Variants in UVRAG observed in about 807,000 individuals in gnomAD.
UVRAG encodes the protein UV radiation resistance associated, also known as UV radiation resistance-associated gene protein.
A neutral mutation model predicts 78.0 loss-of-function variants in UVRAG; 19 were observed. The ratio of observed to expected loss-of-function variants is 0.24; its 90% CI spans 0.17 to 0.36. The LOEUF is 0.36. Among genes scored for constraint, UVRAG ranks in the 10% least tolerant of loss-of-function variants. The pLI is 1.00. For synonymous variants in UVRAG, 323 were observed against 324.6 expected (o/e 1.00, Z 0.05); for missense variants, 740 against 853.8 (o/e 0.87, Z 1.66).
intron 13 of UVRAG, among the ~76,000 whole-genome samples, chr11:76,077,207 T>C (rs756962725): frequency 4.0e-5 from 6 of 150,200 alleles, no homozygotes; most frequent in Non-Finnish European, 7.4e-5. Flanking sequence ...ATCTATTTAA[T>C]GTTTTAATTG....
At chr11:76,093,138 A>G (rs905568919) in intron 13 of UVRAG, among the ~76,000 whole-genome samples, 1 of 152,122 alleles carries the variant, frequency 6.6e-6, no homozygotes, top group African/African-American at 2.4e-5. Context: ...CAAAGATCAG[A>G]TGGTTGTAGA....
At chr11:75,995,520 T>C (rs1381789255) in intron 8 of UVRAG, among the ~76,000 whole-genome samples, 2 of 146,892 alleles carry the variant, frequency 1.4e-5, no homozygotes, top group African/African-American at 2.6e-5. Context: ...AAAAAAAGAG[T>C]AATTAAGGTG....
chr11:76,094,452 C>T, intron 13 of UVRAG, among the ~76,000 whole-genome samples: 1 of 152,154 alleles, frequency 6.6e-6, no homozygotes, highest in Non-Finnish European at 1.5e-5. Context: ...CCTCCTTGTA[C>T]CTCCGGTAGA....
chr11:75,970,872 A>G (rs1283132846), intron 7 of UVRAG, among the ~76,000 whole-genome samples: 2 of 152,124 alleles, frequency 1.3e-5, no homozygotes, highest in African/African-American at 4.8e-5. Context: ...ATACATTATT[A>G]TTAACTGAAG....
intron 14 of UVRAG, among the ~76,000 whole-genome samples, chr11:76,133,017 T>C (rs951490466): frequency 1.2e-4 from 19 of 152,224 alleles, no homozygotes; most frequent in African/African-American, 4.1e-4. Context: ...TGTGCTTCAG[T>C]TTCTTCATCT....
At chr11:75,820,529 A>G (rs1945364459) in intron 1 of UVRAG, among the ~76,000 whole-genome samples, 1 of 151,528 alleles carries the variant, frequency 6.6e-6, no homozygotes, top group African/African-American at 2.4e-5. Flanking sequence ...TAATTTTTGT[A>G]TTTTTGGTAG....
intron 5 of UVRAG, among the ~76,000 whole-genome samples, chr11:75,905,415 A>G (rs930970596): frequency 3.3e-5 from 5 of 152,206 alleles, no homozygotes; most frequent in African/African-American, 1.2e-4. Context: ...TCCCCAAATT[A>G]AACTTTGTAC....
At chr11:76,003,877 G>A (rs1202596900) in intron 8 of UVRAG, 128 bp from the exon 9 acceptor site, 2 of 810,538 alleles carry the variant, frequency 2.5e-6, no homozygotes, top group Non-Finnish European at 4.0e-6. Context: ...AAAAATCTCT[G>A]TACTCAACCC....
At chr11:75,941,423 A>G (rs1422043094) in intron 6 of UVRAG, among the ~76,000 whole-genome samples, 1 of 152,098 alleles carries the variant, frequency 6.6e-6, no homozygotes, top group South Asian at 2.1e-4. Context: ...CAGGTTGAGC[A>G]TCCCTTAGCC....
In UVRAG at chr11:76,137,685, G is replaced by A. The variant is rs141521990; in HGVS notation, c.1398-3026G>A. The A allele has an allele frequency of 6.1e-3, 2,144 of 350,146 alleles. 55 individuals carry two copies. Among genetic ancestry groups the A allele is most frequent in the African/African-American group, 0.042 (1,972 of 46,754 alleles). The allele number at this position is 350,146 out of a possible 1,614,324, so 21.7% of individuals were successfully genotyped here. On this transcript the variant is annotated intron_variant, in intron 14 of 14. Coordinates refer to ENST00000356136, the MANE Select transcript of UVRAG (RefSeq NM_003369.4). ...AGGCCAAGGCAAGAGGATCACTTGA[G>A]CCCAGGAGTTTGAGACCAGTGTGTG...
chr11:76,005,377 T>C (rs1302189068), intron 9 of UVRAG, among the ~76,000 whole-genome samples: 4 of 152,052 alleles, frequency 2.6e-5, no homozygotes, highest in Admixed American at 2.6e-4. Context: ...TAGAAAACCA[T>C]AGAGATTATC....
At chr11:76,101,062 A>G (rs11825432) in intron 13 of UVRAG, among the ~76,000 whole-genome samples, 2,305 of 152,278 alleles carry the variant, frequency 0.015, 65 homozygotes, top group African/African-American at 0.052. Flanking sequence ...CAGTGCTGCA[A>G]TGAACATACA....
chr11:76,114,945 G>A (rs1400418176), intron 13 of UVRAG, among the ~76,000 whole-genome samples: 1 of 152,168 alleles, frequency 6.6e-6, no homozygotes, highest in Non-Finnish European at 1.5e-5. Flanking sequence ...TTTGTACACA[G>A]ACATACATTT....
At chr11:75,922,915 A>G (rs1489659635) in intron 6 of UVRAG, among the ~76,000 whole-genome samples, 2 of 150,814 alleles carry the variant, frequency 1.3e-5, no homozygotes, top group Non-Finnish European at 3.0e-5. Context: ...TCTGGGCGAC[A>G]AGAGCGAAAC....
At chr11:76,061,364 G>A (rs1290908232) in intron 12 of UVRAG, among the ~76,000 whole-genome samples, 2 of 152,154 alleles carry the variant, frequency 1.3e-5, no homozygotes, top group Non-Finnish European at 2.9e-5. Flanking sequence ...GATGTGGGTG[G>A]GGCCAGATAA....
chr11:75,894,975 G>A (rs181892506), intron 5 of UVRAG, among the ~76,000 whole-genome samples: 535 of 152,234 alleles, frequency 3.5e-3, no homozygotes, highest in Middle Eastern at 0.014. Context: ...AAATATATTT[G>A]TAATCACAAT....
At chr11:76,109,625 C>T (rs1952034940) in intron 13 of UVRAG, among the ~76,000 whole-genome samples, 2 of 152,164 alleles carry the variant, frequency 1.3e-5, no homozygotes, top group African/African-American at 2.4e-5. Context: ...AGACAGAGAG[C>T]TGATTCACAT....
At chr11:76,004,576 A>G (rs1398064907) in intron 9 of UVRAG, among the ~76,000 whole-genome samples, 1 of 150,398 alleles carries the variant, frequency 6.6e-6, no homozygotes, top group Non-Finnish European at 1.5e-5. Context: ...CTTATTTTTT[A>G]TCTTCTTTTT....
chr11:75,900,162 T>C (rs1947458461), intron 5 of UVRAG, among the ~76,000 whole-genome samples: 1 of 152,204 alleles, frequency 6.6e-6, no homozygotes, highest in African/African-American at 2.4e-5. Context: ...TATATAGATG[T>C]TTTAGATTCT....
Sources: allele counts gnomAD v4.1 joint callset (sites outside exome capture counted in the v4.1 genomes callset), GRCh38; gene constraint gnomAD v4.1.1; transcripts MANE v1.5; gene names NCBI Gene and HGNC (gene_info 2026-07-23, HGNC 2026-07-21).